The following TYW1 variants were observed in gnomAD, a reference collection of about 807,000 sequenced individuals.
The protein encoded by TYW1 is tRNA-yW synthesizing protein 1 homolog, also known as S-adenosyl-L-methionine-dependent tRNA 4-demethylwyosine synthase TYW1.
In TYW1, 46 loss-of-function variants were observed where a neutral mutation model predicts 96.2. The ratio of observed to expected loss-of-function variants is 0.48; its 90% CI spans 0.38 to 0.61. The LOEUF (loss-of-function observed/expected upper bound fraction) is 0.61. Ranked by LOEUF, TYW1 falls within the 20% of genes least tolerant of loss-of-function variation. The pLI is 0.00. For missense variants in TYW1, 684 were observed against 909.6 expected (o/e 0.75, Z 3.19); for synonymous variants, 274 against 323.0 (o/e 0.85, Z 1.63).
chr7:67,203,537 T>C (rs897761860), intron 15 of TYW1, among the ~76,000 whole-genome samples: 1 of 152,224 alleles, frequency 6.6e-6, no homozygotes, highest in African/African-American at 2.4e-5. Context: ...TTGAGTGAAA[T>C]GTGGAAACTT....
At chr7:67,119,080 C>T (rs1797686911) in intron 13 of TYW1, among the ~76,000 whole-genome samples, 1 of 151,668 alleles carries the variant, frequency 6.6e-6, no homozygotes, top group Non-Finnish European at 1.5e-5. Context: ...TTTTCTTTTT[C>T]ACCTAAAGTA....
chr7:67,076,247 T>C (rs1584531106), intron 10 of TYW1, among the ~76,000 whole-genome samples: 1 of 152,342 alleles, frequency 6.6e-6, no homozygotes, highest in South Asian at 2.1e-4. Context: ...TGTTTCAGGT[T>C]ATAAATGTCC....
rs563477329 is a variant in TYW1, at chr7:67,016,547, C to CA, written c.571-1298dup. On this transcript the variant is annotated intron_variant, in intron 5 of 15. Coordinates refer to ENST00000359626, the MANE Select transcript of TYW1 (RefSeq NM_018264.4). ...TGGTAACAAGAGTGAAACTCTGTCT[C>CA]AAAAAAAATAAATAAATAAAATAAA... Among the ~76,000 whole-genome samples, 664 of 151,666 alleles carry CA rather than the reference C, an allele frequency of 4.4e-3. 1 individual carries two copies. The highest frequency in any genetic ancestry group is 0.01 in the Middle Eastern group (3 of 294).
Position 67,216,182 on chromosome 7 carries a change from T to A in TYW1, c.1977+20845T>A, listed in dbSNP as rs532428514. ...TCTTTCTTTTCCCTGAAGTTGCTTGTTCTTTGAAGTCATCTAGGGCTGCTG... is the reference window on the plus strand; with the variant it reads ...TCTTTCTTTTCCCTGAAGTTGCTTGATCTTTGAAGTCATCTAGGGCTGCTG... On this transcript the variant is annotated intron_variant, in intron 15 of 15. Coordinates refer to ENST00000359626, the MANE Select transcript of TYW1 (RefSeq NM_018264.4). Among the ~76,000 whole-genome samples the A allele has an allele frequency of 7.7e-4, 116 of 150,264 alleles. 1 individual carries two copies. Among genetic ancestry groups the A allele is most frequent in the African/African-American group, 2.8e-3 (115 of 40,620 alleles).
chr7:67,174,867 G>A (rs1286099545), intron 13 of TYW1, among the ~76,000 whole-genome samples: 1 of 152,130 alleles, frequency 6.6e-6, no homozygotes, highest in African/African-American at 2.4e-5. Context: ...AAGATAGGAG[G>A]ATATTTTGAA....
intron 11 of TYW1, among the ~76,000 whole-genome samples, chr7:67,087,379 G>A (rs1796580176): frequency 6.6e-6 from 1 of 152,058 alleles, no homozygotes; most frequent in Non-Finnish European, 1.5e-5. Context: ...AAACAAAAGA[G>A]TTTTAAAATT....
chr7:67,095,800 G>A (rs1796891469), intron 11 of TYW1, among the ~76,000 whole-genome samples: 1 of 152,046 alleles, frequency 6.6e-6, no homozygotes, highest in African/African-American at 2.4e-5. Flanking sequence ...GTCAATCAGG[G>A]TCTGGCGGAA....
At chr7:67,049,076 G>A (rs1795279683) in intron 7 of TYW1, among the ~76,000 whole-genome samples, 2 of 152,184 alleles carry the variant, frequency 1.3e-5, no homozygotes, top group Non-Finnish European at 2.9e-5. Flanking sequence ...GGATAACTTG[G>A]TCTCTGAGCC....
At chr7:67,048,145 A>G (rs1795246154) in intron 7 of TYW1, among the ~76,000 whole-genome samples, 2 of 117,418 alleles carry the variant, frequency 1.7e-5, no homozygotes, top group Non-Finnish European at 3.5e-5. Context: ...GTGAATTCTT[A>G]TTACCTATTG....
At chr7:67,105,015 A>G (rs958166625) in intron 12 of TYW1, among the ~76,000 whole-genome samples, 66 of 152,350 alleles carry the variant, frequency 4.3e-4, no homozygotes, top group African/African-American at 1.3e-3. Flanking sequence ...CTCTACTCAC[A>G]TGGCCTCTCA....
chr7:67,110,826 G>A (rs1797381841), intron 12 of TYW1, among the ~76,000 whole-genome samples: 1 of 152,018 alleles, frequency 6.6e-6, no homozygotes, highest in Admixed American at 6.5e-5. Flanking sequence ...GCAACATAGT[G>A]AGACCCTGTC....
chr7:67,056,374 C>A (rs1450336976), intron 9 of TYW1, among the ~76,000 whole-genome samples: 1 of 151,960 alleles, frequency 6.6e-6, no homozygotes, highest in Non-Finnish European at 1.5e-5. Context: ...CGTCTGTAAT[C>A]CCAGCTATTC....
At chr7:67,018,179 C>T in intron 6 of TYW1, 36 bp downstream of exon 6, 3 of 1,592,352 alleles carry the variant, frequency 1.9e-6, no homozygotes, top group Non-Finnish European at 2.6e-6. Context: ...CGAGGCTTTC[C>T]TCTTCTGCTT....
chr7:67,058,209 C>T (rs1279395683), intron 9 of TYW1, among the ~76,000 whole-genome samples: 1 of 152,246 alleles, frequency 6.6e-6, no homozygotes, highest in African/African-American at 2.4e-5. Flanking sequence ...GCTGAGGTTA[C>T]AGGCGTAGGC....
At chr7:67,218,742 A>C (rs536824412) in intron 15 of TYW1, among the ~76,000 whole-genome samples, 7 of 152,298 alleles carry the variant, frequency 4.6e-5, no homozygotes, top group African/African-American at 1.7e-4. Flanking sequence ...TGATTTTTGC[A>C]TGTTAACTTT....
At position 67,183,145 on chromosome 7, in the gene TYW1, G is replaced by A; in HGVS notation, c.1718G>A (p.Arg573Lys). The part of the protein sequence containing the change: ...LAVKQQRTVY[R>K]LTLVKAWNVD... ...TTTTAGCAACAACGAACTGTCTACA[G>A]ACTGACGCTCGTGAAAGCATGGAAC... is the stretch of plus-strand genomic sequence containing the variant. The change falls in exon 14 of 16, where the codon AGA becomes AAA. Residue 573 changes from arginine (R) to lysine (K), a missense_variant. By Grantham distance (26) the Arg-to-Lys change is conservative. Coordinates refer to ENST00000359626, the MANE Select transcript of TYW1 (RefSeq NM_018264.4). The A allele has an allele frequency of 1.9e-6, 3 of 1,612,412 alleles. No individual in the cohort carries two copies. Among genetic ancestry groups the A allele is most frequent in the Non-Finnish European group, 2.5e-6 (3 of 1,179,098 alleles).
rs977787772 is a variant in TYW1 at position 67,238,974 on chromosome 7, G to A, written c.*445G>A. 68 of 995,632 alleles carry A rather than the reference G, an allele frequency of 6.8e-5. No homozygotes were observed. Among genetic ancestry groups the A allele is most frequent in the Non-Finnish European group, 8.0e-5 (67 of 835,056 alleles). The allele number at this position is 995,632 out of a possible 1,614,324, so 61.7% of individuals were successfully genotyped here. On this transcript the variant is annotated 3_prime_UTR_variant, in exon 16 of 16. Transcript: ENST00000359626. The stretch of plus-strand genomic sequence containing the variant: ...ACTACCCTGAGCTAAACGTGTCTGT[G>A]CTTTCTAAGATAAGAGCTTGATCCC...
At chr7:67,126,047 A>G (rs1797903578) in intron 13 of TYW1, among the ~76,000 whole-genome samples, 1 of 151,984 alleles carries the variant, frequency 6.6e-6, no homozygotes, top group East Asian at 1.9e-4. Flanking sequence ...TTGTGTTTGC[A>G]TATAAATTTT....
chr7:67,044,703 T>C (rs1315900262), intron 7 of TYW1, among the ~76,000 whole-genome samples: 2 of 152,166 alleles, frequency 1.3e-5, no homozygotes, highest in Non-Finnish European at 2.9e-5. Context: ...CACTGCAACC[T>C]CTGCCTCCTG....
Sources: gnomAD v4.1 joint callset for allele counts (sites outside exome capture counted in the v4.1 genomes callset) on GRCh38, gnomAD v4.1.1 for gene constraint, MANE v1.5 for transcripts, NCBI Gene and HGNC (gene_info 2026-07-23, HGNC 2026-07-21) for gene names.